GSDMC: variants seen among roughly 807,000 people sequenced by gnomAD.
GSDMC encodes gasdermin C.
A neutral mutation model predicts 58.0 loss-of-function variants in GSDMC; 59 were observed. The observed-to-expected ratio is 1.02, with a 90% CI of 0.82 to 1.26. The LOEUF (loss-of-function observed/expected upper bound fraction) is 1.26, where lower values mean the gene tolerates loss of function less well. Among genes scored for constraint, GSDMC ranks in the 50% most tolerant of loss-of-function variants. The pLI, the probability that GSDMC is intolerant of heterozygous loss-of-function variation, is 0.00. For missense variants in GSDMC, 659 were observed against 598.5 expected (o/e 1.10, Z -1.06); for synonymous variants, 241 against 220.2 (o/e 1.09, Z -0.83).
At chr8:129,765,858 G>T in intron 3 of GSDMC, 65 bp from the exon 4 acceptor site, 1 of 1,412,018 alleles carries the variant, frequency 7.1e-7, no homozygotes, top group Non-Finnish European at 9.8e-7. Context: ...AGGTTACTCT[G>T]GGTGCCCTTC....
At chr8:129,766,718 T>C (rs2033872307) in intron 3 of GSDMC, among the ~76,000 whole-genome samples, 1 of 152,152 alleles carries the variant, frequency 6.6e-6, no homozygotes, top group African/African-American at 2.4e-5. Flanking sequence ...AGAGTTTTAC[T>C]TTGGCAGCAT....
chr8:129,752,273 C>T, intron 7 of GSDMC, 126 bp from the exon 8 acceptor site: 1 of 779,654 alleles, frequency 1.3e-6, no homozygotes, highest in South Asian at 1.6e-5. Flanking sequence ...TCACATGTTC[C>T]ATCAGTTCAG....
chr8:129,782,218 C>A (rs903588640), intron 1 of GSDMC, among the ~76,000 whole-genome samples: 4 of 151,900 alleles, frequency 2.6e-5, no homozygotes, highest in Non-Finnish European at 4.4e-5. Context: ...AAAAGCAGTA[C>A]AAAGAGGGAA....
In GSDMC at chr8:129,772,198, A is replaced by T. The variant is rs376544859; in HGVS notation, c.404+3904T>A. ...ATGGCATGAACCCGGGAGGCGGAGC[A>T]TGCAGTGAGCGGAGATCGCGCCACT... is the stretch of plus-strand genomic sequence containing the variant. On this transcript the variant is annotated intron_variant, in intron 3 of 13. Transcript: ENST00000276708. 5.1e-3 allele frequency among the ~76,000 whole-genome samples: 763 copies of T among 149,066 alleles called. 7 individuals carry two copies. The highest frequency in any genetic ancestry group is 0.047 in the South Asian group (217 of 4,592).
intron 3 of GSDMC, among the ~76,000 whole-genome samples, chr8:129,768,078 A>G (rs571628690): frequency 6.6e-6 from 1 of 152,236 alleles, no homozygotes; most frequent in African/African-American, 2.4e-5. Flanking sequence ...CATAGAACCC[A>G]GCCAGTGATC....
intron 6 of GSDMC, among the ~76,000 whole-genome samples, chr8:129,754,943 A>C (rs987846256): frequency 6.6e-6 from 1 of 152,150 alleles, no homozygotes; most frequent in African/African-American, 2.4e-5. Flanking sequence ...AAGAATAAAA[A>C]ACAATGAAGC....
chr8:129,753,744 G>T (rs936248784), intron 6 of GSDMC, among the ~76,000 whole-genome samples: 2 of 152,170 alleles, frequency 1.3e-5, no homozygotes, highest in African/African-American at 2.4e-5. Flanking sequence ...TTCTGGACCT[G>T]CCCTGGGCCA....
intron 3 of GSDMC, among the ~76,000 whole-genome samples, chr8:129,767,333 C>T (rs2130483612): frequency 6.6e-6 from 1 of 152,264 alleles, no homozygotes; most frequent in Non-Finnish European, 1.5e-5. Flanking sequence ...CTGCAGAGCA[C>T]AGCCTCTGGC....
At chr8:129,747,204 C>T (rs1168943464), downstream of GSDMC, among the ~76,000 whole-genome samples, 1 of 151,532 alleles carries the variant, frequency 6.6e-6, no homozygotes, top group East Asian at 1.9e-4. Flanking sequence ...TTGCAGTGAG[C>T]CGAGATCGTG....
chr8:129,710,305 C>T, the GSDMC span, among the ~76,000 whole-genome samples: 4 of 152,158 alleles, frequency 2.6e-5, no homozygotes, highest in African/African-American at 9.7e-5. Flanking sequence ...TGGGCACGTA[C>T]CCAAAACTTG....
At chr8:129,778,543 A>G (rs1477227634) in intron 1 of GSDMC, among the ~76,000 whole-genome samples, 1 of 152,230 alleles carries the variant, frequency 6.6e-6, no homozygotes, top group African/African-American at 2.4e-5. Context: ...CATTCTGGAC[A>G]TAGGAACTGG....
intron 6 of GSDMC, among the ~76,000 whole-genome samples, chr8:129,755,055 GAAT>G: frequency 6.6e-6 from 1 of 152,160 alleles, no homozygotes; most frequent in East Asian, 1.9e-4. Context: ...TTATCCAAAG[GAAT>G]AATATTAAAG....
chr8:129,765,582 G>T (rs1320445265), intron 4 of GSDMC, 46 bp downstream of exon 4: 7 of 1,408,404 alleles, frequency 5.0e-6, no homozygotes, highest in Non-Finnish European at 7.0e-6. Context: ...GCCAGGACTG[G>T]CTGTATTTTT....
the GSDMC span, among the ~76,000 whole-genome samples, chr8:129,734,046 C>A: frequency 0.074 from 11,216 of 151,992 alleles, 704 homozygotes; most frequent in East Asian, 0.25. Context: ...CTTCAACAGC[C>A]GATTCAATCA....
chr8:129,765,538 G>C, intron 4 of GSDMC, 90 bp downstream of exon 4: 3 of 884,110 alleles, frequency 3.4e-6, no homozygotes, highest in South Asian at 1.3e-5. Flanking sequence ...CCTGGAAATA[G>C]AGTCCAGAGC....
At chr8:129,757,259 G>A (rs866062835) in intron 6 of GSDMC, among the ~76,000 whole-genome samples, 5 of 151,898 alleles carry the variant, frequency 3.3e-5, no homozygotes, top group Middle Eastern at 3.2e-3. Context: ...ATCATTAGTG[G>A]CTACTATGAA....
At chr8:129,706,322 A>G in the GSDMC span, among the ~76,000 whole-genome samples, 6 of 152,260 alleles carry the variant, frequency 3.9e-5, no homozygotes, top group Admixed American at 6.5e-5. Flanking sequence ...ATTCTGCAAA[A>G]ACAAAAATCA....
At chr8:129,758,437 G>A (rs28783410) in intron 6 of GSDMC, among the ~76,000 whole-genome samples, 21,559 of 152,068 alleles carry the variant, frequency 0.14, 1,600 homozygotes, top group South Asian at 0.22. Flanking sequence ...ATCCTTTTTC[G>A]CAGATGATAT....
chr8:129,711,016 G>C, the GSDMC span, among the ~76,000 whole-genome samples: 1 of 152,220 alleles, frequency 6.6e-6, no homozygotes, highest in Non-Finnish European at 1.5e-5. Context: ...TCTTGTCCAG[G>C]AGGGGAAGGT....
Sources: gnomAD v4.1 joint callset for allele counts (sites outside exome capture counted in the v4.1 genomes callset) on GRCh38, gnomAD v4.1.1 for gene constraint, MANE v1.5 for transcripts, NCBI Gene and HGNC (gene_info 2026-07-23, HGNC 2026-07-21) for gene names.